Variants in PDXDC1 observed in about 807,000 individuals in gnomAD.
The protein encoded by PDXDC1 is pyridoxal-dependent decarboxylase domain-containing protein 1.
In PDXDC1, 42 loss-of-function variants were observed where a neutral mutation model predicts 100.1. That is an observed-to-expected ratio of 0.42 (90% confidence interval 0.33 to 0.54). The LOEUF (loss-of-function observed/expected upper bound fraction) is 0.54, where lower values mean the gene tolerates loss of function less well. Ranked by LOEUF, PDXDC1 falls within the 20% of genes least tolerant of loss-of-function variation. The pLI is 0.10. For synonymous variants in PDXDC1, 260 were observed against 371.7 expected, an observed-to-expected ratio of 0.70 and a Z score of 3.46; for missense variants, 636 against 979.2, an observed-to-expected ratio of 0.65 and a Z score of 4.68.
intron 22 of PDXDC1, among the ~76,000 whole-genome samples, 177 bp from the exon 23 acceptor site, chr16:15,035,839 A>T (rs1209254244): frequency 4.6e-5 from 7 of 152,080 alleles, no homozygotes. Flanking sequence ...CCTGGGGAGC[A>T]TGTTGGTGTC....
intron 16 of PDXDC1, chr16:15,131,022 C>T (rs1020960551): frequency 1.8e-5 from 22 of 1,223,788 alleles, no homozygotes; most frequent in African/African-American, 1.2e-4. Flanking sequence ...GGAAGCCCTA[C>T]GAGAAACGCC....
chr16:15,127,920 C>G, intron 16 of PDXDC1: 1 of 1,386,590 alleles, frequency 7.2e-7, no homozygotes, highest in Non-Finnish European at 1.0e-6. Context: ...GAGGGCCGCA[C>G]TGCAGGAGGC....
At chr16:15,103,158 G>C (rs1353610740) in intron 16 of PDXDC1, 1 of 572,106 alleles carries the variant, frequency 1.7e-6, no homozygotes, top group African/African-American at 1.9e-5. Flanking sequence ...GTGCCTCCCT[G>C]GGGGTCTTCA....
intron 16 of PDXDC1, chr16:15,125,262 G>C: frequency 6.8e-6 from 4 of 590,942 alleles, no homozygotes; most frequent in Non-Finnish European, 1.2e-5. Flanking sequence ...TACCCACAAT[G>C]GACGGGTCAC....
intron 16 of PDXDC1, 149 bp from the exon 17 acceptor site, chr16:15,031,586 T>C (rs1263468801): frequency 1.6e-6 from 1 of 613,558 alleles, no homozygotes; most frequent in Non-Finnish European, 2.9e-6. Flanking sequence ...CATATCTGTG[T>C]TGAGGGCCTT....
At chr16:14,975,487 C>G (rs1966677987) in intron 1 of PDXDC1, 1 of 985,386 alleles carries the variant, frequency 1.0e-6, no homozygotes, top group Non-Finnish European at 1.2e-6. Flanking sequence ...ACTGGGACCG[C>G]GGGGCCGACC....
intron 16 of PDXDC1, among the ~76,000 whole-genome samples, chr16:15,132,530 C>T (rs1285975194): frequency 1.3e-5 from 2 of 150,756 alleles, no homozygotes. Context: ...CCGAGAGGCA[C>T]CCTGCGTTCA....
chr16:15,047,484 A>G, intron 16 of PDXDC1: 1 of 1,613,986 alleles, frequency 6.2e-7, no homozygotes, highest in Non-Finnish European at 8.5e-7. Context: ...TATGGAGTTC[A>G]TGATCAAGGG....
intron 16 of PDXDC1, chr16:15,071,338 T>C (rs1050149252): frequency 1.3e-5 from 17 of 1,289,598 alleles, no homozygotes; most frequent in Admixed American, 4.6e-5. Flanking sequence ...ACTTCACCAA[T>C]GTAGGGAAAA....
downstream of PDXDC1, among the ~76,000 whole-genome samples, chr16:15,142,164 A>T (rs1279018580): frequency 6.6e-6 from 1 of 152,134 alleles, no homozygotes; most frequent in Non-Finnish European, 1.5e-5. Context: ...TGGAAAATCC[A>T]TCAAGAGTGG....
chr16:15,140,208 G>T (rs373289286), downstream of PDXDC1, among the ~76,000 whole-genome samples: 4 of 151,370 alleles, frequency 2.6e-5, no homozygotes, highest in African/African-American at 9.7e-5. Context: ...ACTTTGGGAG[G>T]CTGAGGCGGG....
At chr16:15,103,500 A>T in intron 16 of PDXDC1, 3 of 586,734 alleles carry the variant, frequency 5.1e-6, no homozygotes, top group Non-Finnish European at 9.1e-6. Context: ...AATGTAAGTG[A>T]TATTTATTTT....
At position 15,007,157 on chromosome 16, in the gene PDXDC1, C is replaced by CTTTT. The variant is rs56256230; in HGVS notation, c.579+602_579+605dup. Among the ~76,000 whole-genome samples the CTTTT allele has an allele frequency of 9.9e-4, 73 of 73,966 alleles. 4 individuals carry two copies. The highest frequency in any genetic ancestry group is 2.2e-3 in the East Asian group (3 of 1,336). 48.5% of individuals were successfully genotyped at this position (73,966 alleles called of 152,430 possible). On this transcript the variant is annotated intron_variant, in intron 6 of 22. Transcript: ENST00000396410. ...AGAATTGCTGGATCAAAGAGCATGA[C>CTTTT]TTTTTTTTTTTTTTTTTTTTTTTTT...
At chr16:14,991,265 A>T (rs1970723131) in intron 1 of PDXDC1, among the ~76,000 whole-genome samples, 2 of 137,924 alleles carry the variant, frequency 1.5e-5, no homozygotes, top group African/African-American at 2.7e-5. Context: ...ATGTATATAG[A>T]TATGTGTGTG....
intron 1 of PDXDC1, among the ~76,000 whole-genome samples, chr16:14,987,794 T>C (rs988356868): frequency 1.3e-5 from 2 of 152,276 alleles, no homozygotes; most frequent in Non-Finnish European, 2.9e-5. Context: ...GTATTTTTAG[T>C]AGAGACGGGG....
At chr16:15,106,751 T>G (rs1413844669) in intron 16 of PDXDC1, among the ~76,000 whole-genome samples, 1 of 91,144 alleles carries the variant, frequency 1.1e-5, no homozygotes, top group African/African-American at 2.7e-5. Context: ...CAAGACTCCA[T>G]CTCAGAAAAA....
At chr16:15,072,733 T>G (rs1168543524) in intron 16 of PDXDC1, among the ~76,000 whole-genome samples, 2 of 151,828 alleles carry the variant, frequency 1.3e-5, no homozygotes, top group African/African-American at 4.8e-5. Context: ...GAGGTGGAGG[T>G]TGCAGCAGTG....
At chr16:15,123,285 A>G in intron 16 of PDXDC1, 5 of 1,469,098 alleles carry the variant, frequency 3.4e-6, no homozygotes, top group South Asian at 1.2e-5. Flanking sequence ...TGGAACCTTC[A>G]CAAACCTGAT....
chr16:15,133,995 C>T, intron 16 of PDXDC1: 1 of 1,385,786 alleles, frequency 7.2e-7, no homozygotes, highest in East Asian at 2.4e-5. Context: ...CAGCACCAGT[C>T]ACATGCCTGC....
Sources: gnomAD v4.1 joint callset for allele counts (sites outside exome capture counted in the v4.1 genomes callset) on GRCh38, gnomAD v4.1.1 for gene constraint, MANE v1.5 for transcripts, NCBI Gene and HGNC (gene_info 2026-07-23, HGNC 2026-07-21) for gene names.